SMAP1: variants seen among roughly 807,000 people sequenced by gnomAD.
The protein encoded by SMAP1 is small ArfGAP 1.
A neutral mutation model predicts 58.5 loss-of-function variants in SMAP1; 24 were observed. That is an observed-to-expected ratio of 0.41 (90% CI 0.30 to 0.58). The LOEUF is 0.58. Among genes scored for constraint, SMAP1 ranks in the 20% least tolerant of loss-of-function variants. The pLI is 0.29. For synonymous variants in SMAP1, 216 were observed against 196.6 expected (o/e 1.10, Z -0.82); for missense variants, 563 against 566.3 (o/e 0.99, Z 0.06).
intron 3 of SMAP1, among the ~76,000 whole-genome samples, chr6:70,758,027 C>T (rs1479862069): frequency 6.6e-6 from 1 of 152,000 alleles, no homozygotes; most frequent in East Asian, 1.9e-4. Flanking sequence ...TGGGTATATA[C>T]CCAAAGGACT....
At chr6:70,741,206 C>CAA (rs1193243318) in intron 2 of SMAP1, among the ~76,000 whole-genome samples, 1 of 152,126 alleles carries the variant, frequency 6.6e-6, no homozygotes, top group African/African-American at 2.4e-5. Flanking sequence ...AGCATTAACT[C>CAA]AAAAGTCCAT....
intron 7 of SMAP1, among the ~76,000 whole-genome samples, chr6:70,843,346 T>G (rs1770872585): frequency 6.6e-6 from 1 of 152,192 alleles, no homozygotes; most frequent in Non-Finnish European, 1.5e-5. Flanking sequence ...TTAAATTATC[T>G]TATTATTTTA....
At chr6:70,789,819 A>T (rs1008607690) in intron 4 of SMAP1, among the ~76,000 whole-genome samples, 2 of 151,404 alleles carry the variant, frequency 1.3e-5, no homozygotes, top group Non-Finnish European at 2.9e-5. Context: ...TGATCTTCAC[A>T]CTGTATTCCA....
intron 5 of SMAP1, among the ~76,000 whole-genome samples, chr6:70,794,204 A>G (rs1768497857): frequency 6.6e-6 from 1 of 152,160 alleles, no homozygotes. Flanking sequence ...CGACTATTTT[A>G]AAATATAAAA....
At chr6:70,858,563 T>C (rs1261264319) in intron 10 of SMAP1, 2 of 191,766 alleles carry the variant, frequency 1.0e-5, no homozygotes, top group East Asian at 3.0e-4. Context: ...ACCTCTGAGA[T>C]TAGCACTAAG....
intron 1 of SMAP1, among the ~76,000 whole-genome samples, chr6:70,678,220 A>G (rs1328828326): frequency 1.3e-5 from 2 of 152,164 alleles, no homozygotes; most frequent in Non-Finnish European, 2.9e-5. Flanking sequence ...TTTGGTCTCC[A>G]TTTGACTAGA....
chr6:70,688,811 T>G (rs553561584), intron 1 of SMAP1, among the ~76,000 whole-genome samples: 1 of 152,054 alleles, frequency 6.6e-6, no homozygotes, highest in Admixed American at 6.6e-5. Context: ...ATTTTTTTTA[T>G]GGACTGTATT....
intron 6 of SMAP1, 146 bp downstream of exon 6, chr6:70,798,883 TG>T: frequency 1.2e-5 from 8 of 648,552 alleles, no homozygotes; most frequent in African/African-American, 1.8e-5. Flanking sequence ...GTGCTCAGCA[TG>T]TCCTTCTAGC....
chr6:70,713,420 C>A (rs1275739369), intron 1 of SMAP1, among the ~76,000 whole-genome samples: 1 of 151,774 alleles, frequency 6.6e-6, no homozygotes, highest in Non-Finnish European at 1.5e-5. Flanking sequence ...CTTATTACTG[C>A]TTTTGCTGTA....
intron 1 of SMAP1, among the ~76,000 whole-genome samples, chr6:70,687,040 G>A (rs548776002): frequency 6.6e-6 from 1 of 152,262 alleles, no homozygotes; most frequent in South Asian, 2.1e-4. Flanking sequence ...CCTGTCCAGT[G>A]TGGAAGTCAC....
chr6:70,845,603 A>C (rs912200863), intron 7 of SMAP1, among the ~76,000 whole-genome samples: 1 of 152,252 alleles, frequency 6.6e-6, no homozygotes, highest in African/African-American at 2.4e-5. Context: ...AGTGAATAAC[A>C]GTTGGAAAAG....
At chr6:70,848,067 TG>T (rs1040108912) in intron 7 of SMAP1, among the ~76,000 whole-genome samples, 1 of 152,234 alleles carries the variant, frequency 6.6e-6, no homozygotes, top group African/African-American at 2.4e-5. Flanking sequence ...TTCAGCATCT[TG>T]GTATTTTCTT....
At chr6:70,730,746 T>G (rs1210045428) in intron 1 of SMAP1, among the ~76,000 whole-genome samples, 1 of 152,144 alleles carries the variant, frequency 6.6e-6, no homozygotes, top group Admixed American at 6.5e-5. Context: ...GTGTCACCTT[T>G]AGATAAACAG....
intron 3 of SMAP1, 56 bp downstream of exon 3, chr6:70,755,121 G>A (rs1766433282): frequency 7.5e-7 from 1 of 1,341,824 alleles, no homozygotes; most frequent in South Asian, 1.2e-5. Flanking sequence ...CATTTTTACA[G>A]TTCATATTTT....
In SMAP1 at chr6:70,754,964, A is replaced by T. The variant is rs572813708; in HGVS notation, c.253-16A>T. On this transcript the variant is annotated splice_polypyrimidine_tract_variant and intron_variant, in intron 2 of 10. Coordinates refer to ENST00000370455, the MANE Select transcript of SMAP1 (RefSeq NM_001044305.3). ...TAATGTTTATGTGAGTAATTAAAAA[A>T]TTTTTTTTATTATAGTGCATGCAAG... is the stretch of plus-strand genomic sequence containing the variant. 6.7e-5 allele frequency: 106 copies of T among 1,578,100 alleles called. No homozygotes were observed. The Admixed American group carries it at 1.5e-3, about 22-fold the overall frequency.
At chr6:70,697,450 T>C (rs1767451328) in intron 1 of SMAP1, among the ~76,000 whole-genome samples, 1 of 151,824 alleles carries the variant, frequency 6.6e-6, no homozygotes, top group African/African-American at 2.4e-5. Context: ...GGATTACAGG[T>C]GCCCACCACC....
chr6:70,839,074 A>G (rs892798506), intron 7 of SMAP1, among the ~76,000 whole-genome samples: 2 of 152,140 alleles, frequency 1.3e-5, no homozygotes, highest in African/African-American at 4.8e-5. Context: ...GTGGCCTTTC[A>G]GATACTCCAT....
At chr6:70,798,584 A>C in intron 5 of SMAP1, 73 bp from the exon 6 acceptor site, 3 of 1,143,706 alleles carry the variant, frequency 2.6e-6, no homozygotes, top group Non-Finnish European at 3.7e-6. Context: ...GATTACTCAA[A>C]CTAATAAGGA....
intron 1 of SMAP1, among the ~76,000 whole-genome samples, chr6:70,683,539 G>A (rs1050308199): frequency 1.3e-5 from 2 of 151,968 alleles, no homozygotes; most frequent in African/African-American, 4.8e-5. Flanking sequence ...TGGGAGGGTG[G>A]GATTGGCAAC....
Sources: allele counts gnomAD v4.1 joint callset (sites outside exome capture counted in the v4.1 genomes callset), GRCh38; gene constraint gnomAD v4.1.1; transcripts MANE v1.5; gene names NCBI Gene and HGNC (gene_info 2026-07-23, HGNC 2026-07-21).